The following COL27A1 variants were observed in gnomAD, a reference collection of about 807,000 sequenced individuals.
The protein encoded by COL27A1 is collagen alpha-1(XXVII) chain.
COL27A1 carries 106 observed loss-of-function variants against 251.3 expected under a neutral mutation model. That is an observed-to-expected ratio of 0.42 (90% CI 0.36 to 0.50). COL27A1 has a LOEUF of 0.50. COL27A1 is among the 20% of genes least tolerant of loss of function. The pLI, the probability that COL27A1 is intolerant of heterozygous loss-of-function variation, is 0.00. For missense variants in COL27A1, 2,325 were observed against 2,522.8 expected, an observed-to-expected ratio of 0.92 and a Z score of 1.68; for synonymous variants, 1,000 against 986.3, an observed-to-expected ratio of 1.01 and a Z score of -0.26.
intron 7 of COL27A1, among the ~76,000 whole-genome samples, chr9:114,199,944 A>G (rs1178547747): frequency 6.6e-6 from 1 of 152,104 alleles, no homozygotes; most frequent in Non-Finnish European, 1.5e-5. Context: ...TGCTACTCAA[A>G]TCAAAACCTG....
Position 114,302,068 on chromosome 9 carries a change from G to A in COL27A1, c.4846-14G>A. ...GTCCCTGTCATTTGACTGACCCGCA[G>A]TCTTCTTTTGCAGGGTCCTCCAGGG... On this transcript the variant is annotated splice_polypyrimidine_tract_variant and intron_variant, in intron 55 of 60. Transcript: ENST00000356083. 1 of 1,611,212 alleles carries A rather than the reference G, an allele frequency of 6.2e-7. No individual in the cohort carries two copies. The highest frequency in any genetic ancestry group is 8.5e-7 in the Non-Finnish European group (1 of 1,177,512).
intron 28 of COL27A1, 54 bp downstream of exon 28, chr9:114,258,648 G>T: frequency 6.4e-7 from 1 of 1,567,296 alleles, no homozygotes; most frequent in Non-Finnish European, 8.8e-7. Flanking sequence ...GGCACACTTG[G>T]AACAGGGCCA....
rs759514720 is a variant in COL27A1 at position 114,162,779 on chromosome 9, C to T, written c.127C>T (p.Pro43Ser). The T allele has an allele frequency of 6.2e-7, 1 of 1,611,074 alleles. No homozygotes were observed. Among genetic ancestry groups the T allele is most frequent in the Non-Finnish European group, 8.5e-7 (1 of 1,178,108 alleles). The change falls in exon 2 of 61, where the codon CCT (proline) becomes TCT (serine). Residue 43 changes from proline (P) to serine (S), a missense_variant. Physicochemically the swap from Pro to Ser is moderately conservative, Grantham distance 74. Around this residue, in one of 4 missense-constraint regions of COL27A1, gnomAD observed 1,183 missense variants for 1,144.1 expected, o/e 1.03. Transcript: ENST00000356083. ...ACHLASTQGA[P>S]EDVDILQRLG... Reference sequence around the variant, plus strand: ...TCACCTGGCCTCCACCCAAGGAGCTCCTGAAGGTAATTCTCTCTTCTCTTT... The same window carrying T: ...TCACCTGGCCTCCACCCAAGGAGCTTCTGAAGGTAATTCTCTCTTCTCTTT...
At chr9:114,206,401 C>A in intron 10 of COL27A1, 105 bp downstream of exon 10, 2 of 1,177,358 alleles carry the variant, frequency 1.7e-6, no homozygotes, top group Non-Finnish European at 2.5e-6. Context: ...AGAGCCAAGG[C>A]CCTCCCACTT....
At chr9:114,272,906 T>C (rs1835240152) in intron 36 of COL27A1, 1 of 152,022 alleles carries the variant, frequency 6.6e-6, no homozygotes, top group Non-Finnish European at 1.5e-5. Context: ...CAGCACTGAC[T>C]CACTCGGTGG....
Position 114,250,541 on chromosome 9 carries a change from T to G in COL27A1, c.2980-74T>G. 3 of 1,406,232 alleles carry G rather than the reference T, an allele frequency of 2.1e-6. No homozygotes were observed. The South Asian group carries it at 3.5e-5, about 16-fold the overall frequency. The allele number at this position is 1,406,232 out of a possible 1,614,324, so 87.1% of individuals were successfully genotyped here. On this transcript the variant is annotated intron_variant, in intron 24 of 60. Transcript: ENST00000356083. Reference sequence around the variant, plus strand: ...GTGGGAGACACCTGGGAGATGAGCTTCAGGGGAAGGAGCGGGAGGGCTGGG... The same window carrying G: ...GTGGGAGACACCTGGGAGATGAGCTGCAGGGGAAGGAGCGGGAGGGCTGGG...
At chr9:114,217,652 A>G (rs1356677460) in intron 12 of COL27A1, 1 of 389,496 alleles carries the variant, frequency 2.6e-6, no homozygotes, top group African/African-American at 2.1e-5. Flanking sequence ...CATATGCTGG[A>G]CTTGGAGAAC....
chr9:114,203,565 C>T (rs1237826067), intron 7 of COL27A1, among the ~76,000 whole-genome samples: 2 of 152,104 alleles, frequency 1.3e-5, no homozygotes, highest in African/African-American at 2.4e-5. Context: ...AGAATCACAC[C>T]CAACCTTGTT....
At chr9:114,301,556 C>A in intron 54 of COL27A1, 94 bp downstream of exon 54, 7 of 1,538,868 alleles carry the variant, frequency 4.5e-6, no homozygotes, top group Non-Finnish European at 5.3e-6. Flanking sequence ...TCCGGACCTC[C>A]GTCATCCCGT....
chr9:114,290,779 A>G lies in COL27A1; in HGVS notation c.4369-31A>G. 6.7e-7 allele frequency: 1 copy of G among 1,494,700 alleles called. No individual in the cohort carries two copies. Among genetic ancestry groups the G allele is most frequent in the Non-Finnish European group, 9.0e-7 (1 of 1,106,156 alleles). 92.6% of individuals were successfully genotyped at this position (1,494,700 alleles called of 1,614,324 possible). ...TTCCTTGGCTGTATCGTGAAACACAAGAGACCCTCCTCTGCCTGCTTTCTT... is the reference window on the plus strand; with the variant it reads ...TTCCTTGGCTGTATCGTGAAACACAGGAGACCCTCCTCTGCCTGCTTTCTT... On this transcript the variant is annotated intron_variant, in intron 47 of 60. Transcript: ENST00000356083. The surrounding 1 kb of genome is among the most constrained non-coding windows in gnomAD (Gnocchi z 4.6).
chr9:114,219,522 A>G (rs1266065048), intron 12 of COL27A1, among the ~76,000 whole-genome samples: 1 of 152,148 alleles, frequency 6.6e-6, no homozygotes, highest in East Asian at 1.9e-4. Context: ...AGATCTCAGA[A>G]TAGGGGATTG....
intron 3 of COL27A1, among the ~76,000 whole-genome samples, chr9:114,173,439 T>C (rs1454553512): frequency 6.6e-6 from 1 of 152,256 alleles, no homozygotes; most frequent in East Asian, 1.9e-4. Flanking sequence ...AGAACTCTCC[T>C]GCCAGGGAGA....
chr9:114,168,443 G>A lies in COL27A1; in HGVS notation c.888G>A (p.Thr296=), dbSNP rs973209904. 1.4e-5 allele frequency: 22 copies of A among 1,613,596 alleles called. No homozygotes were observed. The highest frequency in any genetic ancestry group is 1.1e-4 in the East Asian group (5 of 44,862). Residue 296 remains threonine, a synonymous_variant, in exon 3 of 61, where the codon ACG becomes ACA. Transcript: ENST00000356083. ...RGPRGTVAPA[T]PTKPQRTSPT... ...CCAGGGGGACTGTGGCACCCGCCAC[G>A]CCCACCAAGCCCCAAAGGACTAGCC...
intron 3 of COL27A1, among the ~76,000 whole-genome samples, chr9:114,169,890 C>G (rs547873516): frequency 5.3e-5 from 8 of 152,248 alleles, no homozygotes; most frequent in Non-Finnish European, 1.0e-4. Context: ...GGCCCATCAG[C>G]TTGTCTGAGA....
intron 25 of COL27A1, among the ~76,000 whole-genome samples, chr9:114,251,004 A>T (rs1258931452): frequency 6.6e-6 from 1 of 152,182 alleles, no homozygotes; most frequent in Admixed American, 6.5e-5. Context: ...AAGAGGAAAG[A>T]TGAGGTTGCC....
At chr9:114,220,732 G>A (rs751993834) in intron 13 of COL27A1, among the ~76,000 whole-genome samples, 1 of 152,106 alleles carries the variant, frequency 6.6e-6, no homozygotes, top group East Asian at 1.9e-4. Flanking sequence ...AGTGGCTCAC[G>A]TCTGTAATCC....
Position 114,312,007 on chromosome 9 carries a change from A to G in COL27A1, c.*1312A>G, listed in dbSNP as rs1829478929. The G allele has an allele frequency of 6.6e-6, 1 of 152,236 alleles. No homozygotes were observed. The highest frequency in any genetic ancestry group is 1.5e-5 in the Non-Finnish European group (1 of 68,044). 9.4% of individuals were successfully genotyped at this position (152,236 alleles called of 1,614,324 possible). ...ATTTGGGTCAAGGAGACAGAATAAT[A>G]ATGGGAATCTCGGAGTTCGACACCA... On this transcript the variant is annotated 3_prime_UTR_variant, in exon 61 of 61. Transcript: ENST00000356083.
At position 114,242,501 on chromosome 9, in the gene COL27A1, T is replaced by C. The variant is rs183311123; in HGVS notation, c.2880+270T>C. On this transcript the variant is annotated intron_variant, in intron 22 of 60. Coordinates refer to ENST00000356083, the MANE Select transcript of COL27A1 (RefSeq NM_032888.4). ...ACATGATTGCTTTCCTTGGTTTCAT[T>C]AGAGAAGAGGCAAACGAGAGTGAAG... 6.6e-5 allele frequency among the ~76,000 whole-genome samples: 10 copies of C among 152,338 alleles called. No homozygotes were observed. The East Asian group carries it at 1.5e-3, about 24-fold the overall frequency.
intron 48 of COL27A1, 71 bp from the exon 49 acceptor site, chr9:114,292,032 C>T (rs967509206): frequency 2.0e-5 from 26 of 1,322,210 alleles, no homozygotes; most frequent in Non-Finnish European, 2.8e-5. Flanking sequence ...CTCTCCCAGG[C>T]CCCCTCCGCC....
Sources: allele counts gnomAD v4.1 joint callset (sites outside exome capture counted in the v4.1 genomes callset), GRCh38; gene constraint gnomAD v4.1.1; regional missense constraint gnomAD v4.1.1; non-coding constraint Gnocchi (gnomAD v3.1); transcripts MANE v1.5; gene names NCBI Gene and HGNC (gene_info 2026-07-23, HGNC 2026-07-21).